The following HLCS variants were observed in gnomAD, a reference collection of about 807,000 sequenced individuals.
HLCS encodes the protein holocarboxylase synthetase.
HLCS carries 53 observed loss-of-function variants against 75.0 expected under a neutral mutation model. That is an observed-to-expected ratio of 0.71 (90% confidence interval 0.57 to 0.89). The LOEUF (loss-of-function observed/expected upper bound fraction) is 0.89, where lower values mean the gene tolerates loss of function less well. HLCS is among the 40% of genes least tolerant of loss of function. The pLI is 0.00. For synonymous variants in HLCS, 431 were observed against 428.6 expected (o/e 1.01, Z -0.07); for missense variants, 966 against 1,074.0 (o/e 0.90, Z 1.41).
intron 6 of HLCS, among the ~76,000 whole-genome samples, chr21:36,829,894 A>C (rs577472054): frequency 1.1e-4 from 16 of 152,334 alleles, no homozygotes; most frequent in Admixed American, 9.2e-4. Flanking sequence ...CTCCTGTAGT[A>C]CAACCCGGCT....
At chr21:36,915,242 C>T (rs905302685) in intron 5 of HLCS, among the ~76,000 whole-genome samples, 23 of 152,334 alleles carry the variant, frequency 1.5e-4, no homozygotes, top group African/African-American at 5.1e-4. Context: ...ATTTTTCTAA[C>T]GAGAAAACGA....
chr21:36,866,088 A>T (rs998348414), intron 6 of HLCS, among the ~76,000 whole-genome samples: 1 of 152,196 alleles, frequency 6.6e-6, no homozygotes, highest in Non-Finnish European at 1.5e-5. Flanking sequence ...TTGAATTCAC[A>T]TGTGCTGTCT....
At chr21:36,903,794 T>C (rs2065337441) in intron 5 of HLCS, among the ~76,000 whole-genome samples, 2 of 152,208 alleles carry the variant, frequency 1.3e-5, no homozygotes, top group South Asian at 2.1e-4. Flanking sequence ...ATAGTTTGAA[T>C]CTGTCCTCCA....
intron 8 of HLCS, among the ~76,000 whole-genome samples, chr21:36,764,381 G>A (rs1461297791): frequency 4.0e-5 from 6 of 151,890 alleles, no homozygotes; most frequent in African/African-American, 1.5e-4. Flanking sequence ...TGGTGACAAA[G>A]TGAGACTCTG....
chr21:36,905,232 A>G (rs991627602), intron 5 of HLCS, among the ~76,000 whole-genome samples: 13 of 152,232 alleles, frequency 8.5e-5, no homozygotes, highest in Non-Finnish European at 1.5e-4. Context: ...TGCATGCTTA[A>G]TAAGCATTTA....
In HLCS at chr21:36,989,314, C is replaced by CTTT. The variant is rs35073331; in HGVS notation, c.-393+841_-393+843dup. ...GCGTGAGCCACAGTGTCTGGCCCATCTTTTTTTTTTTTTTTTTTTTTTTTA... is the reference window on the plus strand; with the variant it reads ...GCGTGAGCCACAGTGTCTGGCCCATCTTTTTTTTTTTTTTTTTTTTTTTTTTTA... On this transcript the variant is annotated intron_variant, in intron 1 of 11. Transcript: ENST00000336648. 6.7e-3 allele frequency among the ~76,000 whole-genome samples: 534 copies of CTTT among 80,000 alleles called. 18 individuals are homozygous for CTTT. Among genetic ancestry groups the CTTT allele is most frequent in the African/African-American group, 0.024 (469 of 19,338 alleles). 52.5% of individuals were successfully genotyped at this position (80,000 alleles called of 152,430 possible).
At position 36,958,661 on chromosome 21, in the gene HLCS, C is replaced by T. The variant is rs371629616; in HGVS notation, c.330+3375G>A. Among the ~76,000 whole-genome samples, 18 of 151,514 alleles carry T rather than the reference C, an allele frequency of 1.2e-4. No homozygotes were observed. In the East Asian group the frequency reaches 2.4e-3, roughly 20 times the overall value. The stretch of plus-strand genomic sequence containing the variant: ...ACAATTAGCTGGGCGTGGCAGCGTG[C>T]GCCTGTAGTCCCAGCTACTTGGGAG... On this transcript the variant is annotated intron_variant, in intron 2 of 10. Transcript: ENST00000674895.
chr21:36,897,978 G>A (rs746166970), intron 5 of HLCS, among the ~76,000 whole-genome samples: 2 of 152,274 alleles, frequency 1.3e-5, no homozygotes, highest in Non-Finnish European at 2.9e-5. Flanking sequence ...AGGCTCTTAG[G>A]CCATCCTCCT....
chr21:36,903,398 A>T (rs2065318901), intron 5 of HLCS, among the ~76,000 whole-genome samples: 1 of 151,934 alleles, frequency 6.6e-6, no homozygotes, highest in Non-Finnish European at 1.5e-5. Context: ...ACAGATCTGA[A>T]TTTCCATCAC....
chr21:36,844,532 C>T (rs746863272), intron 6 of HLCS, among the ~76,000 whole-genome samples: 21 of 152,164 alleles, frequency 1.4e-4, no homozygotes, highest in Non-Finnish European at 2.5e-4. Flanking sequence ...TTGATCATTT[C>T]TGCAGGAAAC....
At chr21:36,935,238 C>T (rs2835538) in intron 4 of HLCS, among the ~76,000 whole-genome samples, 84,179 of 151,996 alleles carry the variant, frequency 0.55, 23,612 homozygotes, top group East Asian at 0.64. Flanking sequence ...ACATTTATTA[C>T]GCCTCCAAAA....
At chr21:36,840,813 A>G (rs151112922) in intron 6 of HLCS, among the ~76,000 whole-genome samples, 1,759 of 152,202 alleles carry the variant, frequency 0.012, 25 homozygotes, top group African/African-American at 0.04. Flanking sequence ...GGGTTTCACC[A>G]TGTTGGCCAG....
At chr21:36,824,685 C>A (rs1344226546) in intron 6 of HLCS, among the ~76,000 whole-genome samples, 1 of 152,194 alleles carries the variant, frequency 6.6e-6, no homozygotes, top group Non-Finnish European at 1.5e-5. Flanking sequence ...ATACACGGTA[C>A]AGACTTCCTC....
chr21:36,900,141 A>G (rs2065177792), intron 5 of HLCS, among the ~76,000 whole-genome samples: 1 of 152,034 alleles, frequency 6.6e-6, no homozygotes, highest in South Asian at 2.1e-4. Context: ...CAAAAAAAAC[A>G]AAGTTAAAAA....
intron 5 of HLCS, among the ~76,000 whole-genome samples, chr21:36,918,771 G>C (rs1436848936): frequency 1.3e-5 from 2 of 152,170 alleles, no homozygotes; most frequent in African/African-American, 4.8e-5. Context: ...TTGTAATGGG[G>C]GCTAAAATGT....
intron 6 of HLCS, among the ~76,000 whole-genome samples, chr21:36,866,726 TCTAA>T (rs1429206277): frequency 6.6e-6 from 1 of 152,220 alleles, no homozygotes; most frequent in South Asian, 2.1e-4. Context: ...CAGTTTCATC[TCTAA>T]CTATCATCTT....
intron 5 of HLCS, among the ~76,000 whole-genome samples, chr21:36,907,054 G>C (rs558189340): frequency 8.1e-4 from 124 of 152,220 alleles, no homozygotes; most frequent in Non-Finnish European, 1.7e-3. Flanking sequence ...TTTGACAACA[G>C]TGCCCAAGAT....
intron 5 of HLCS, among the ~76,000 whole-genome samples, chr21:36,913,003 A>G (rs2065785481): frequency 6.6e-6 from 1 of 152,198 alleles, no homozygotes; most frequent in Admixed American, 6.5e-5. Flanking sequence ...AGCTACAACA[A>G]GAGTATGAAA....
chr21:36,914,434 A>C (rs1449446089), intron 5 of HLCS, among the ~76,000 whole-genome samples: 1 of 152,224 alleles, frequency 6.6e-6, no homozygotes, highest in East Asian at 1.9e-4. Context: ...AATGCCTGGG[A>C]CACAGTAGGC....
Sources: allele counts gnomAD v4.1 joint callset (sites outside exome capture counted in the v4.1 genomes callset), GRCh38; gene constraint gnomAD v4.1.1; transcripts MANE v1.5; gene names NCBI Gene and HGNC (gene_info 2026-07-23, HGNC 2026-07-21).